EDN3: variants seen among roughly 807,000 people sequenced by gnomAD.
The protein encoded by EDN3 is endothelin 3.
EDN3 carries 9 observed loss-of-function variants against 21.4 expected under a neutral mutation model. The ratio of observed to expected loss-of-function variants is 0.42; its 90% confidence interval spans 0.25 to 0.73. EDN3 has a LOEUF of 0.73. Ranked by LOEUF, EDN3 falls within the 30% of genes least tolerant of loss-of-function variation. The pLI is 0.26. For synonymous variants in EDN3, 133 were observed against 126.2 expected (o/e 1.05, Z -0.36); for missense variants, 327 against 309.4 (o/e 1.06, Z -0.43).
Position 59,301,575 on chromosome 20 carries a change from G to T in EDN3, c.218G>T (p.Gly73Val). 2.5e-6 allele frequency: 4 copies of T among 1,613,698 alleles called. No homozygotes were observed. The highest frequency in any genetic ancestry group is 3.4e-6 in the Non-Finnish European group (4 of 1,179,900). The change falls in exon 2 of 5, where the codon GGT (glycine) becomes GTT (valine). Residue 73 changes from glycine (G) to valine (V), a missense_variant. Coordinates refer to ENST00000337938, the MANE Select transcript of EDN3 (RefSeq NM_207034.3). ...EGTVAPTALQGPSPGSPGQEQ... is the reference protein window; with the variant it reads ...EGTVAPTALQVPSPGSPGQEQ... ...ACTGTGGCCCCGACAGCACTGCAGG[G>T]TCCAAGCCCTGGAAGCCCTGGGCAG...
At chr20:59,320,128 G>A (rs1990434114) in intron 2 of EDN3, among the ~76,000 whole-genome samples, 1 of 152,156 alleles carries the variant, frequency 6.6e-6, no homozygotes. Context: ...AACCATAAAC[G>A]AAATTGGTCA....
At chr20:59,314,584 C>T (rs925642838) in intron 2 of EDN3, among the ~76,000 whole-genome samples, 10 of 152,050 alleles carry the variant, frequency 6.6e-5, no homozygotes, top group Admixed American at 2.6e-4. Flanking sequence ...TTTCTGATCT[C>T]GAGTTGCCCC....
intron 2 of EDN3, among the ~76,000 whole-genome samples, chr20:59,315,292 C>T (rs1990103754): frequency 6.6e-6 from 1 of 152,244 alleles, no homozygotes; most frequent in East Asian, 1.9e-4. Context: ...GGGGCTGCCT[C>T]CTGACTGTCT....
At chr20:59,313,408 A>G (rs1306114201) in intron 2 of EDN3, among the ~76,000 whole-genome samples, 2 of 152,118 alleles carry the variant, frequency 1.3e-5, no homozygotes, top group Non-Finnish European at 2.9e-5. Flanking sequence ...ACTGGCCCTC[A>G]TTCTTAGATC....
Position 59,300,749 on chromosome 20 carries a change from T to G in EDN3, c.-64T>G. ...CGAGGCCAGCTGTACCCGGCCCCAG[T>G]GCCCTTTCGCGGCCACAAGCGGCCG... is the stretch of plus-strand genomic sequence containing the variant. On this transcript the variant is annotated 5_prime_UTR_variant, in exon 1 of 5. Coordinates refer to ENST00000337938, the MANE Select transcript of EDN3 (RefSeq NM_207034.3). The G allele has an allele frequency of 6.4e-7, 1 of 1,556,640 alleles. No individual in the cohort carries two copies.
intron 2 of EDN3, among the ~76,000 whole-genome samples, chr20:59,317,272 G>C (rs1382101795): frequency 1.3e-5 from 2 of 152,178 alleles, no homozygotes; most frequent in Admixed American, 6.5e-5. Context: ...AGGTGGTGTC[G>C]AATGAGGTGA....
chr20:59,301,751 T>TG, intron 2 of EDN3, 29 bp downstream of exon 2: 1 of 1,612,496 alleles, frequency 6.2e-7, no homozygotes, highest in Non-Finnish European at 8.5e-7. Context: ...GTGAGGAACG[T>TG]GGCTCCCGGA....
At position 59,324,360 on chromosome 20, in the gene EDN3, G is replaced by A; in HGVS notation, c.618G>A (p.Gln206=). 1.2e-6 allele frequency: 2 copies of A among 1,614,090 alleles called. No individual in the cohort carries two copies. The highest frequency in any genetic ancestry group is 1.1e-5 in the South Asian group (1 of 91,078). The change falls in exon 5 of 5, where the codon CAG becomes CAA. Residue 206 remains glutamine (Q), a synonymous_variant. Coordinates refer to ENST00000337938, the MANE Select transcript of EDN3 (RefSeq NM_207034.3). ...AAGTCAAGGACCAACAAAGCAAGCA[G>A]GCTTTAGACCTCCACCATCCAAAGC... ...KVEVKDQQSK[Q]ALDLHHPKLM...
chr20:59,311,536 T>C (rs1453017335), intron 2 of EDN3, among the ~76,000 whole-genome samples: 1 of 152,132 alleles, frequency 6.6e-6, no homozygotes, highest in African/African-American at 2.4e-5. Flanking sequence ...TTGTAAACTG[T>C]CATGGCGCTG....
rs746831494 is a variant in EDN3 at position 59,305,088 on chromosome 20, A to C, written c.365+3366A>C. Among the ~76,000 whole-genome samples the C allele has an allele frequency of 5.3e-5, 8 of 152,340 alleles. No homozygotes were observed. Among genetic ancestry groups the C allele is most frequent in the Non-Finnish European group, 5.9e-5 (4 of 68,042 alleles). On this transcript the variant is annotated intron_variant, in intron 2 of 4. Transcript: ENST00000337938. The surrounding 1 kb of genome is among the most constrained non-coding windows in gnomAD (Gnocchi z 4.2). ...AGAGTTTTTCTTGGGGATGTTGCCCATAACTTCTGTGATATCTTCCCAAAA... is the reference window on the plus strand; with the variant it reads ...AGAGTTTTTCTTGGGGATGTTGCCCCTAACTTCTGTGATATCTTCCCAAAA...
rs773779627 is a variant in EDN3, at chr20:59,301,689, G to A, written c.332G>A (p.Cys111Tyr). ...TYKDKECVYY[C>Y]HLDIIWINTP... ...AAGGACAAGGAGTGTGTCTACTATT[G>A]CCACCTGGACATCATTTGGATCAAC... The change falls in exon 2 of 5, where the codon TGC (cysteine) becomes TAC (tyrosine). Residue 111 changes from cysteine to tyrosine, a missense_variant. Coordinates refer to ENST00000337938, the MANE Select transcript of EDN3 (RefSeq NM_207034.3). The A allele has an allele frequency of 6.2e-7, 1 of 1,614,206 alleles. No homozygotes were observed. Among genetic ancestry groups the A allele is most frequent in the Non-Finnish European group, 8.5e-7 (1 of 1,180,028 alleles).
At chr20:59,303,601 T>G (rs1989195748) in intron 2 of EDN3, among the ~76,000 whole-genome samples, 1 of 152,204 alleles carries the variant, frequency 6.6e-6, no homozygotes, top group Non-Finnish European at 1.5e-5. Context: ...TTTCATTCGT[T>G]GCCTGTTTAC....
At position 59,322,545 on chromosome 20, in the gene EDN3, A is replaced by C; in HGVS notation, c.588+128A>C. 2.2e-5 allele frequency: 28 copies of C among 1,258,926 alleles called. No individual in the cohort carries two copies. Among genetic ancestry groups the C allele is most frequent in the Non-Finnish European group, 2.5e-5 (22 of 871,540 alleles). The allele number at this position is 1,258,926 out of a possible 1,614,324, so 78.0% of individuals were successfully genotyped here. A position where few individuals can be genotyped will look rare whatever the true frequency, so the allele number is the denominator to read the frequency against. On this transcript the variant is annotated intron_variant, in intron 4 of 4. Transcript: ENST00000337938. The surrounding 1 kb of genome is among the most constrained non-coding windows in gnomAD (Gnocchi z 4.1). ...TGGTCCAGTGGGAACCCCAGATCTC[A>C]TGGGATGCTGCACCCACAAGCAATG...
Position 59,321,102 on chromosome 20 carries a change from C to G in EDN3, c.451C>G (p.Leu151Val). Residue 151 changes from leucine (L) to valine (V), a missense_variant, in exon 3 of 5, where the codon CTC becomes GTC. Transcript: ENST00000337938. ...GGGGCCACTTCCAGGGAATCTGCAG[C>G]TCTCACATCGGCCACACTTGCGCTG... The part of the protein sequence containing the change: ...SAGPLPGNLQ[L>V]SHRPHLRCAC... The G allele has an allele frequency of 6.2e-7, 1 of 1,614,254 alleles. No homozygotes were observed. Among genetic ancestry groups the G allele is most frequent in the Non-Finnish European group, 8.5e-7 (1 of 1,180,050 alleles).
chr20:59,300,818 G>A lies in EDN3; in HGVS notation c.6G>A (p.Glu2=). M[E]PGLWLLFGLT... ...CCGGCGCCTGATCTAGGTTCATGGA[G>A]CCGGGGCTGTGGCTCCTTTTCGGGC... The change falls in exon 1 of 5, where the codon GAG becomes GAA. Residue 2 remains glutamate (E), a synonymous_variant. Transcript: ENST00000337938. 1 of 1,611,054 alleles carries A rather than the reference G, an allele frequency of 6.2e-7. No individual in the cohort carries two copies. The highest frequency in any genetic ancestry group is 8.5e-7 in the Non-Finnish European group (1 of 1,179,496).
chr20:59,301,532 G>A lies in EDN3; in HGVS notation c.175G>A (p.Ala59Thr). 6.2e-7 allele frequency: 1 copy of A among 1,613,542 alleles called. No homozygotes were observed. Among genetic ancestry groups the A allele is most frequent in the Non-Finnish European group, 8.5e-7 (1 of 1,179,864 alleles). ...TVAGPGEETV[A>T]GPGEGTVAPT... Reference sequence around the variant, plus strand: ...GGCTGGCCCTGGCGAGGAGACTGTGGCTGGCCCTGGCGAGGGGACTGTGGC... The same window carrying A: ...GGCTGGCCCTGGCGAGGAGACTGTGACTGGCCCTGGCGAGGGGACTGTGGC... Residue 59 changes from alanine (A) to threonine (T), a missense_variant, in exon 2 of 5, where the codon GCT (alanine) becomes ACT (threonine). Transcript: ENST00000337938.
intron 2 of EDN3, among the ~76,000 whole-genome samples, chr20:59,306,822 C>A (rs1192818313): frequency 6.6e-6 from 1 of 152,058 alleles, no homozygotes; most frequent in East Asian, 1.9e-4. Context: ...GCCAGCTGAG[C>A]ACCAGAATGT....
intron 2 of EDN3, among the ~76,000 whole-genome samples, chr20:59,306,616 A>G (rs1393076050): frequency 6.8e-6 from 1 of 147,664 alleles, no homozygotes; most frequent in Admixed American, 6.8e-5. Context: ...AAAAAAAAAA[A>G]AAAGCATTAA....
intron 2 of EDN3, among the ~76,000 whole-genome samples, chr20:59,306,180 T>C (rs755763967): frequency 2.0e-5 from 3 of 152,132 alleles, no homozygotes; most frequent in Non-Finnish European, 2.9e-5. Flanking sequence ...GGTGACTGTG[T>C]TTTCCAAACC....
Sources: gnomAD v4.1 joint callset for allele counts (sites outside exome capture counted in the v4.1 genomes callset) on GRCh38, gnomAD v4.1.1 for gene constraint, Gnocchi (gnomAD v3.1) non-coding constraint, MANE v1.5 for transcripts, NCBI Gene and HGNC (gene_info 2026-07-23, HGNC 2026-07-21) for gene names.